ACTR3C: variants seen among roughly 807,000 people sequenced by gnomAD.
ACTR3C encodes the protein actin related protein 3C, also known as actin-related protein 3C.
Under a neutral mutation model 26.3 loss-of-function variants are expected in ACTR3C, and 18 were observed. The observed-to-expected ratio is 0.68, with a 90% CI of 0.47 to 1.01. The LOEUF (loss-of-function observed/expected upper bound fraction) is 1.01, where lower values mean the gene tolerates loss of function less well. Ranked by LOEUF, ACTR3C falls within the 50% of genes least tolerant of loss-of-function variation. The pLI, the probability that ACTR3C is intolerant of heterozygous loss-of-function variation, is 0.00. For missense variants in ACTR3C, 184 were observed against 250.7 expected (o/e 0.73, Z 1.80); for synonymous variants, 55 against 94.5 (o/e 0.58, Z 2.42).
the ACTR3C span, among the ~76,000 whole-genome samples, chr7:149,976,259 A>G: frequency 8.5e-5 from 13 of 152,186 alleles, no homozygotes; most frequent in Non-Finnish European, 1.6e-4. Context: ...GGGCACTATC[A>G]TTAAGGAAGA....
At chr7:150,204,216 A>G in the ACTR3C span, among the ~76,000 whole-genome samples, 3 of 144,714 alleles carry the variant, frequency 2.1e-5, no homozygotes, top group South Asian at 2.2e-4. Flanking sequence ...AGCATAAGCA[A>G]TGCTACCTAG....
chr7:150,035,913 G>A, the ACTR3C span, among the ~76,000 whole-genome samples: 3 of 116,850 alleles, frequency 2.6e-5, no homozygotes, highest in Non-Finnish European at 5.7e-5. Context: ...CCACCCTCGC[G>A]GGGGGTGCCT....
At chr7:149,922,970 CTTTT>C in the ACTR3C span, among the ~76,000 whole-genome samples, 213 of 69,156 alleles carry the variant, frequency 3.1e-3, 3 homozygotes, top group Admixed American at 4.1e-3. Context: ...AAATAAAAGG[CTTTT>C]TTTTTTTTTT....
the ACTR3C span, among the ~76,000 whole-genome samples, chr7:150,206,527 C>T: frequency 1.3e-5 from 2 of 152,156 alleles, no homozygotes; most frequent in African/African-American, 4.8e-5. Context: ...GATTCCCTTG[C>T]CTCAGCCTCC....
intron 1 of ACTR3C, among the ~76,000 whole-genome samples, chr7:150,316,911 T>C (rs1244929932): frequency 6.6e-6 from 1 of 152,152 alleles, no homozygotes; most frequent in Non-Finnish European, 1.5e-5. Flanking sequence ...TGATAAGCTT[T>C]TCCATTTATT....
At chr7:150,012,501 G>T in the ACTR3C span, among the ~76,000 whole-genome samples, 1 of 150,786 alleles carries the variant, frequency 6.6e-6, no homozygotes, top group Non-Finnish European at 1.5e-5. Context: ...ATTTTTAGTA[G>T]AGATGGGGTT....
intron 6 of ACTR3C, among the ~76,000 whole-genome samples, chr7:150,263,297 A>G (rs1444102193): frequency 5.9e-5 from 9 of 152,134 alleles, no homozygotes; most frequent in African/African-American, 1.9e-4. Context: ...TTATCTGGAG[A>G]CCTCATATTT....
chr7:150,200,206 C>T, the ACTR3C span, among the ~76,000 whole-genome samples: 962 of 152,262 alleles, frequency 6.3e-3, 8 homozygotes, highest in African/African-American at 0.022. Context: ...CTCCTTTTCA[C>T]TATTTACTAT....
intron 3 of ACTR3C, among the ~76,000 whole-genome samples, chr7:150,292,583 C>T (rs970545072): frequency 2.0e-5 from 3 of 151,032 alleles, no homozygotes; most frequent in Non-Finnish European, 4.4e-5. Context: ...TCACTGCAAC[C>T]TCCATCTCCC....
the ACTR3C span, among the ~76,000 whole-genome samples, chr7:150,222,240 G>A: frequency 6.6e-6 from 1 of 152,180 alleles, no homozygotes; most frequent in African/African-American, 2.4e-5. Flanking sequence ...GGAGATCAGC[G>A]TAATGCAGAG....
chr7:149,997,260 T>C, the ACTR3C span, among the ~76,000 whole-genome samples: 1 of 151,966 alleles, frequency 6.6e-6, no homozygotes, highest in African/African-American at 2.4e-5. Context: ...ATTTAGCTAT[T>C]TGGGCAAATG....
the ACTR3C span, among the ~76,000 whole-genome samples, chr7:150,069,257 A>C: frequency 2.6e-5 from 4 of 152,132 alleles, no homozygotes; most frequent in East Asian, 5.8e-4. Flanking sequence ...GACTTTAATA[A>C]AAATAATTAT....
At chr7:150,243,447 A>G (rs1832293310), downstream of ACTR3C, among the ~76,000 whole-genome samples, 1 of 152,070 alleles carries the variant, frequency 6.6e-6, no homozygotes, top group Non-Finnish European at 1.5e-5. Flanking sequence ...GGTGGAACTT[A>G]TGGTTAATTC....
chr7:149,900,784 T>A, the ACTR3C span, among the ~76,000 whole-genome samples: 3 of 152,198 alleles, frequency 2.0e-5, no homozygotes, highest in Middle Eastern at 3.4e-3. Context: ...ACACCTGTAA[T>A]CCCAGCACTT....
chr7:150,005,916 G>A, the ACTR3C span, among the ~76,000 whole-genome samples: 20,741 of 152,074 alleles, frequency 0.14, 1,747 homozygotes, highest in South Asian at 0.2. Flanking sequence ...CCAGGAAATA[G>A]AAACATGCCC....
the ACTR3C span, among the ~76,000 whole-genome samples, chr7:149,979,261 G>A: frequency 1.3e-5 from 2 of 152,258 alleles, no homozygotes; most frequent in South Asian, 2.1e-4. Flanking sequence ...CAGTTATGCT[G>A]AACAATGAAA....
the ACTR3C span, among the ~76,000 whole-genome samples, chr7:149,984,161 GT>G: frequency 1.3e-5 from 2 of 151,482 alleles, no homozygotes; most frequent in South Asian, 2.1e-4. Context: ...GTTTAGTTAT[GT>G]TTTTTTCCCT....
the ACTR3C span, among the ~76,000 whole-genome samples, chr7:149,938,296 A>G: frequency 6.6e-6 from 1 of 152,234 alleles, no homozygotes; most frequent in South Asian, 2.1e-4. Context: ...ATGTTGTTTC[A>G]TAAAGACAGA....
chr7:150,123,653 A>T, the ACTR3C span, among the ~76,000 whole-genome samples: 1 of 151,776 alleles, frequency 6.6e-6, no homozygotes, highest in Non-Finnish European at 1.5e-5. Context: ...TGCAAGTGCC[A>T]CCTACCATGT....
Sources: allele counts gnomAD v4.1 joint callset (sites outside exome capture counted in the v4.1 genomes callset), GRCh38; gene constraint gnomAD v4.1.1; transcripts MANE v1.5; gene names NCBI Gene and HGNC (gene_info 2026-07-23, HGNC 2026-07-21).